Variants in OPCML observed in about 807,000 individuals in gnomAD.
The protein encoded by OPCML is opioid binding protein/cell adhesion molecule like.
Under a neutral mutation model 37.8 loss-of-function variants are expected in OPCML, and 13 were observed. That is an observed-to-expected ratio of 0.34 (90% confidence interval 0.22 to 0.55). The LOEUF is 0.55. Ranked by LOEUF, OPCML falls within the 20% of genes least tolerant of loss-of-function variation. OPCML has a pLI of 0.91. For missense variants in OPCML, 341 were observed against 435.6 expected, an observed-to-expected ratio of 0.78 and a Z score of 1.93; for synonymous variants, 176 against 168.8, an observed-to-expected ratio of 1.04 and a Z score of -0.33.
intron 4 of OPCML, among the ~76,000 whole-genome samples, chr11:132,527,182 C>T (rs576653548): frequency 6.6e-6 from 1 of 152,224 alleles, no homozygotes; most frequent in South Asian, 2.1e-4. Flanking sequence ...AATGAAGCTG[C>T]TAAAAACATT....
intron 1 of OPCML, among the ~76,000 whole-genome samples, chr11:133,090,711 C>T (rs1475954303): frequency 1.3e-5 from 2 of 151,850 alleles, no homozygotes; most frequent in Non-Finnish European, 2.9e-5. Context: ...CTCCTGACAG[C>T]TTATATGAAA....
chr11:132,822,918 GA>G (rs1228793625), intron 2 of OPCML, among the ~76,000 whole-genome samples: 2 of 152,086 alleles, frequency 1.3e-5, no homozygotes, highest in African/African-American at 4.8e-5. Flanking sequence ...ATTTGTAAAT[GA>G]AGACTATAAT....
intron 1 of OPCML, among the ~76,000 whole-genome samples, chr11:133,527,149 C>T (rs1478199771): frequency 6.6e-6 from 1 of 152,210 alleles, no homozygotes; most frequent in Admixed American, 6.5e-5. Context: ...AAGCCAGTGC[C>T]CATAGGCCAA....
At chr11:133,092,850 AAGAG>A (rs151247554) in intron 1 of OPCML, among the ~76,000 whole-genome samples, 3 of 149,948 alleles carry the variant, frequency 2.0e-5, no homozygotes, top group Non-Finnish European at 4.5e-5. Context: ...GAGACAGAGA[AAGAG>A]AGAGAGAGAG....
intron 3 of OPCML, among the ~76,000 whole-genome samples, chr11:132,630,526 ATGTGTGTGTGTG>A (rs140438717): frequency 6.7e-6 from 1 of 148,894 alleles, no homozygotes; most frequent in Admixed American, 6.7e-5. Context: ...AGGACACAAT[ATGTGTGTGTGTG>A]TGTGTGTGTG....
chr11:133,070,773 A>G (rs1948520124), intron 1 of OPCML, among the ~76,000 whole-genome samples: 2 of 152,214 alleles, frequency 1.3e-5, no homozygotes, highest in Non-Finnish European at 2.9e-5. Flanking sequence ...GCTGAAATGA[A>G]TGAAAATTGT....
intron 7 of OPCML, chr11:132,435,219 C>G (rs1274740022): frequency 7.8e-7 from 1 of 1,289,790 alleles, no homozygotes. Context: ...ACACACAATG[C>G]AGAGAGAAAA....
At position 133,422,295 on chromosome 11, in the gene OPCML, A is replaced by G. The variant is rs1416865001; in HGVS notation, c.61+109969T>C. 7 of 984,258 alleles carry G rather than the reference A, an allele frequency of 7.1e-6. No homozygotes were observed. The East Asian group carries it at 4.6e-4, about 64-fold the overall frequency. The allele number at this position is 984,258 out of a possible 1,614,324, so 61.0% of individuals were successfully genotyped here. A position where few individuals can be genotyped will look rare whatever the true frequency, so the allele number is the denominator to read the frequency against. On this transcript the variant is annotated intron_variant, in intron 1 of 7. Transcript: ENST00000524381. ...GGGACTCACCACTAAACACGAAGAT[A>G]TGGGGCAAGAATTCCATAATTCTTT...
rs989179432 is a variant in OPCML, at chr11:132,852,961, A to G, written c.146+89965T>C. Among the ~76,000 whole-genome samples the G allele has an allele frequency of 4.6e-5, 7 of 152,160 alleles. 1 individual carries two copies. The highest frequency in any genetic ancestry group is 9.6e-5 in the African/African-American group (4 of 41,452). On this transcript the variant is annotated intron_variant, in intron 2 of 7. Transcript: ENST00000524381. ...ACACCTTATGTAGCCCGCAAAGCCT[A>G]AAATATTTTCTTTCTGGTCCTTACA...
intron 1 of OPCML, among the ~76,000 whole-genome samples, chr11:133,485,956 A>C (rs1947517374): frequency 6.6e-6 from 1 of 152,130 alleles, no homozygotes; most frequent in Admixed American, 6.6e-5. Context: ...CCACAGGCAT[A>C]GGGCTAAATT....
chr11:132,655,305 T>C (rs1365925203), intron 3 of OPCML, among the ~76,000 whole-genome samples: 2 of 152,216 alleles, frequency 1.3e-5, no homozygotes, highest in Admixed American at 6.5e-5. Flanking sequence ...TCAGCTCCTC[T>C]GGAACCAAGC....
intron 7 of OPCML, among the ~76,000 whole-genome samples, chr11:132,434,794 C>T (rs981396595): frequency 1.3e-5 from 2 of 152,158 alleles, no homozygotes; most frequent in Non-Finnish European, 2.9e-5. Context: ...AGGGTGACGT[C>T]CCCACTGAGA....
At chr11:133,125,323 C>G (rs761358863) in intron 1 of OPCML, among the ~76,000 whole-genome samples, 15 of 151,954 alleles carry the variant, frequency 9.9e-5, no homozygotes, top group Non-Finnish European at 1.9e-4. Flanking sequence ...CTTTACCTAC[C>G]AGAACTCTTT....
chr11:133,502,645 G>A (rs181368003), intron 1 of OPCML, among the ~76,000 whole-genome samples: 36 of 152,350 alleles, frequency 2.4e-4, no homozygotes, highest in African/African-American at 7.9e-4. Context: ...TTTCAGGGAA[G>A]AAAGGAATCT....
chr11:132,451,038 T>A (rs2096067276), intron 4 of OPCML, among the ~76,000 whole-genome samples: 1 of 152,034 alleles, frequency 6.6e-6, no homozygotes, highest in Non-Finnish European at 1.5e-5. Context: ...AAGGAATAAA[T>A]CTCACCTAGA....
chr11:132,803,226 C>T (rs1337572590), intron 2 of OPCML, among the ~76,000 whole-genome samples: 1 of 152,302 alleles, frequency 6.6e-6, no homozygotes, highest in African/African-American at 2.4e-5. Flanking sequence ...ATGCTCAATA[C>T]TACTATTAAA....
At chr11:132,630,683 T>C (rs1339571212) in intron 3 of OPCML, among the ~76,000 whole-genome samples, 1 of 152,120 alleles carries the variant, frequency 6.6e-6, no homozygotes, top group Non-Finnish European at 1.5e-5. Context: ...AGTGGGAGTA[T>C]AAAAATGTAC....
chr11:133,180,303 C>T (rs1309048583), intron 1 of OPCML, among the ~76,000 whole-genome samples: 2 of 152,116 alleles, frequency 1.3e-5, no homozygotes, highest in South Asian at 2.1e-4. Flanking sequence ...GGGTAAAATG[C>T]CCCTCAGTCT....
At chr11:133,359,842 T>C (rs1221647222) in intron 1 of OPCML, among the ~76,000 whole-genome samples, 1 of 152,250 alleles carries the variant, frequency 6.6e-6, no homozygotes. Flanking sequence ...AATGAAAATC[T>C]GAGAATGATA....
Sources: allele counts gnomAD v4.1 joint callset (sites outside exome capture counted in the v4.1 genomes callset), GRCh38; gene constraint gnomAD v4.1.1; transcripts MANE v1.5; gene names NCBI Gene and HGNC (gene_info 2026-07-23, HGNC 2026-07-21).